AFF3: variants seen among roughly 807,000 people sequenced by gnomAD.
The protein encoded by AFF3 is ALF transcription elongation factor 3.
A neutral mutation model predicts 129.7 loss-of-function variants in AFF3; 32 were observed. The observed-to-expected ratio is 0.25, with a 90% CI of 0.19 to 0.33. The LOEUF (loss-of-function observed/expected upper bound fraction) is 0.33. Ranked by LOEUF, AFF3 falls within the 10% of genes least tolerant of loss-of-function variation. AFF3 has a pLI of 1.00. For missense variants in AFF3, 1,373 were observed against 1,592.0 expected, an observed-to-expected ratio of 0.86 and a Z score of 2.34; for synonymous variants, 644 against 635.4, an observed-to-expected ratio of 1.01 and a Z score of -0.20.
chr2:100,107,467 GAGAA>G (rs961657450), intron 2 of AFF3: 4 of 985,170 alleles, frequency 4.1e-6, no homozygotes, highest in Admixed American at 6.2e-5. Flanking sequence ...TTATGTAAAA[GAGAA>G]AGAGACTCTC....
chr2:99,650,429 T>TGG (rs1407096133), intron 12 of AFF3, among the ~76,000 whole-genome samples: 41 of 152,064 alleles, frequency 2.7e-4, no homozygotes, highest in African/African-American at 9.4e-4. Context: ...TGTGGTGGCA[T>TGG]GCGCCTGTAG....
intron 15 of AFF3, among the ~76,000 whole-genome samples, chr2:99,588,303 A>C (rs755792373): frequency 5.9e-5 from 9 of 151,956 alleles, no homozygotes; most frequent in Non-Finnish European, 1.2e-4. Flanking sequence ...CAGCCTTCCA[A>C]GTAGCTGGGA....
chr2:99,923,290 G>T (rs2106258546), intron 7 of AFF3, among the ~76,000 whole-genome samples: 1 of 152,306 alleles, frequency 6.6e-6, no homozygotes, highest in South Asian at 2.1e-4. Flanking sequence ...AGAGCTACAA[G>T]ATTTTGTTCA....
intron 7 of AFF3, among the ~76,000 whole-genome samples, chr2:100,003,656 T>C (rs923917425): frequency 1.3e-5 from 2 of 152,224 alleles, no homozygotes; most frequent in African/African-American, 4.8e-5. Context: ...ACTAATTACC[T>C]ATTATTGAAG....
intron 8 of AFF3, among the ~76,000 whole-genome samples, chr2:99,798,844 T>C (rs763391882): frequency 2.2e-4 from 34 of 151,970 alleles, no homozygotes; most frequent in Admixed American, 5.9e-4. Flanking sequence ...CCCTTAATTA[T>C]AGTCAGAGAT....
intron 5 of AFF3, 96 bp downstream of exon 5, chr2:100,008,716 C>A: frequency 7.0e-7 from 1 of 1,432,920 alleles, no homozygotes; most frequent in South Asian, 1.4e-5. Context: ...AAGATGCAGT[C>A]AAGTTTGGTC....
In AFF3 at chr2:99,546,648, C is replaced by G. The variant is rs192895152; in HGVS notation, c.*4826G>C. 5.6e-5 allele frequency: 13 copies of G among 231,442 alleles called. No homozygotes were observed. The East Asian group carries it at 7.3e-4, about 13-fold the overall frequency. 14.3% of individuals were successfully genotyped at this position (231,442 alleles called of 1,614,324 possible). Reference sequence around the variant, plus strand: ...ACTAAAAATGAAGTTAACAAACTTACCCTCCCACATAGGGGATGCTTCATG... The same window carrying G: ...ACTAAAAATGAAGTTAACAAACTTAGCCTCCCACATAGGGGATGCTTCATG... On this transcript the variant is annotated 3_prime_UTR_variant, in exon 25 of 25. Coordinates refer to ENST00000672756, the MANE Select transcript of AFF3 (RefSeq NM_001386135.1).
At chr2:100,139,485 A>T (rs1438924427) in intron 1 of AFF3, among the ~76,000 whole-genome samples, 2 of 152,200 alleles carry the variant, frequency 1.3e-5, no homozygotes, top group African/African-American at 2.4e-5. Context: ...TGTCGTGTTT[A>T]TTAGTTATTG....
At chr2:100,068,772 T>C (rs1053792805) in intron 4 of AFF3, among the ~76,000 whole-genome samples, 8 of 152,086 alleles carry the variant, frequency 5.3e-5, no homozygotes, top group African/African-American at 1.9e-4. Flanking sequence ...CCCACATTAG[T>C]AAAGATGATG....
chr2:100,111,944 C>T, intron 2 of AFF3, among the ~76,000 whole-genome samples: 1 of 152,182 alleles, frequency 6.6e-6, no homozygotes, highest in East Asian at 1.9e-4. Context: ...AAGAGCCTCC[C>T]TGTTTTACTT....
chr2:99,551,996 G>A (rs1366344353), intron 24 of AFF3, among the ~76,000 whole-genome samples: 2 of 152,188 alleles, frequency 1.3e-5, no homozygotes, highest in Non-Finnish European at 2.9e-5. Context: ...TGAGGCTCCA[G>A]GTTCCTGGGG....
chr2:99,885,996 A>G (rs1343707129), intron 7 of AFF3, among the ~76,000 whole-genome samples: 1 of 152,266 alleles, frequency 6.6e-6, no homozygotes, highest in African/African-American at 2.4e-5. Flanking sequence ...AACAAGGAAC[A>G]CGCAGACAGT....
chr2:99,979,685 T>C (rs1468162582), intron 7 of AFF3, among the ~76,000 whole-genome samples: 1 of 152,158 alleles, frequency 6.6e-6, no homozygotes, highest in Middle Eastern at 3.2e-3. Flanking sequence ...GGTCTCTTTA[T>C]GTTGGCCAGG....
intron 8 of AFF3, among the ~76,000 whole-genome samples, chr2:99,752,855 T>C (rs1170763202): frequency 6.6e-6 from 1 of 152,320 alleles, no homozygotes; most frequent in East Asian, 1.9e-4. Context: ...ATGTCATTTC[T>C]TATAACACAG....
intron 4 of AFF3, among the ~76,000 whole-genome samples, chr2:100,066,633 T>G (rs1687737706): frequency 1.3e-5 from 2 of 152,074 alleles, no homozygotes; most frequent in Admixed American, 1.3e-4. Context: ...GCAGACCCAG[T>G]GAGGTCCCAT....
At chr2:100,114,661 C>T (rs1190922982) in intron 2 of AFF3, among the ~76,000 whole-genome samples, 1 of 151,726 alleles carries the variant, frequency 6.6e-6, no homozygotes, top group Admixed American at 6.6e-5. Context: ...GGATTACAGG[C>T]GTGAGCCACC....
At chr2:99,875,760 G>A (rs1324322593) in intron 7 of AFF3, among the ~76,000 whole-genome samples, 1 of 152,088 alleles carries the variant, frequency 6.6e-6, no homozygotes, top group East Asian at 1.9e-4. Flanking sequence ...GTGAGCTCAG[G>A]GATTATACAG....
chr2:99,602,631 A>C (rs1022864512), intron 13 of AFF3, among the ~76,000 whole-genome samples: 1 of 152,218 alleles, frequency 6.6e-6, no homozygotes, highest in African/African-American at 2.4e-5. Context: ...TCTAAATACC[A>C]AAAATGCCGG....
chr2:99,880,516 T>C (rs958515604), intron 7 of AFF3, among the ~76,000 whole-genome samples: 25 of 152,280 alleles, frequency 1.6e-4, no homozygotes, highest in African/African-American at 5.1e-4. Flanking sequence ...CAGGCGGCCA[T>C]GGGATGGGCA....
Sources: allele counts gnomAD v4.1 joint callset (sites outside exome capture counted in the v4.1 genomes callset), GRCh38; gene constraint gnomAD v4.1.1; transcripts MANE v1.5; gene names NCBI Gene and HGNC (gene_info 2026-07-23, HGNC 2026-07-21).